The following PANK2 variants were observed in gnomAD, a reference collection of about 807,000 sequenced individuals.
PANK2 encodes pantothenate kinase 2.
A neutral mutation model predicts 43.1 loss-of-function variants in PANK2; 36 were observed. The observed-to-expected ratio is 0.84, with a 90% confidence interval of 0.64 to 1.10. PANK2 has a LOEUF of 1.10. Among genes scored for constraint, PANK2 ranks in the 50% least tolerant of loss-of-function variants. The pLI, the probability that PANK2 is intolerant of heterozygous loss-of-function variation, is 0.00. For missense variants in PANK2, 576 were observed against 593.3 expected, an observed-to-expected ratio of 0.97 and a Z score of 0.30; for synonymous variants, 281 against 238.2, an observed-to-expected ratio of 1.18 and a Z score of -1.66.
At chr20:3,891,824 C>T (rs1371249623) in intron 1 of PANK2, among the ~76,000 whole-genome samples, 1 of 152,162 alleles carries the variant, frequency 6.6e-6, no homozygotes, top group Non-Finnish European at 1.5e-5. Context: ...AGTTTTGAAA[C>T]TTATTTTAGG....
At position 3,929,633 on chromosome 20, in the gene PANK2, A is replaced by C. The variant is rs962636982; in HGVS notation, c.*6339A>C. ...ACTGGTCCTCACTTGGAACTGGCCA[A>C]GGTAGGGGAGGGGCCAGCAGCTGTC... On this transcript the variant is annotated 3_prime_UTR_variant, in exon 7 of 7. Transcript: ENST00000610179. 6.6e-6 allele frequency: 1 copy of C among 152,454 alleles called. No homozygotes were observed. The highest frequency in any genetic ancestry group is 1.5e-5 in the Non-Finnish European group (1 of 68,218). 9.4% of individuals were successfully genotyped at this position (152,454 alleles called of 1,614,324 possible).
chr20:3,889,175 CCTTCT>C, upstream of PANK2: 1 of 1,608,280 alleles, frequency 6.2e-7, no homozygotes, highest in African/African-American at 1.3e-5. Flanking sequence ...GGCTACACCG[CCTTCT>C]CTTCCTCCGC....
intron 4 of PANK2, among the ~76,000 whole-genome samples, chr20:3,913,991 A>C (rs12480548): frequency 1.5e-4 from 22 of 151,270 alleles, no homozygotes; most frequent in South Asian, 2.1e-4. Flanking sequence ...GGGTTTCACT[A>C]TGTTGGCCAG....
rs530353894 is a variant in PANK2, at chr20:3,923,200, A to T, written c.1333-44A>T. The T allele has an allele frequency of 4.9e-5, 79 of 1,604,202 alleles. No homozygotes were observed. In the South Asian group the frequency reaches 8.7e-4, roughly 18 times the overall value. On this transcript the variant is annotated intron_variant, in intron 6 of 6. Transcript: ENST00000610179. ...CATCATGTGTAAGGTGATTTGAATA[A>T]GTCTAAGGAAAATTGCACTTATTTT...
intron 5 of PANK2, 38 bp downstream of exon 5, chr20:3,917,088 A>T: frequency 1.9e-6 from 3 of 1,612,614 alleles, no homozygotes; most frequent in African/African-American, 1.3e-5. Context: ...CTCTAAGGAA[A>T]ATACTGAACT....
At chr20:3,894,729 C>G (rs1034253438) in intron 1 of PANK2, among the ~76,000 whole-genome samples, 2 of 152,210 alleles carry the variant, frequency 1.3e-5, no homozygotes, top group Admixed American at 6.5e-5. Context: ...CAGGTGTGTG[C>G]CACCGTGCCT....
intron 4 of PANK2, among the ~76,000 whole-genome samples, chr20:3,915,567 A>T (rs966108267): frequency 9.9e-5 from 15 of 152,184 alleles, no homozygotes; most frequent in Non-Finnish European, 1.8e-4. Flanking sequence ...AAGTGCTGGG[A>T]TTACAGGCGT....
At chr20:3,910,135 G>T (rs2090445110) in intron 2 of PANK2, among the ~76,000 whole-genome samples, 1 of 152,112 alleles carries the variant, frequency 6.6e-6, no homozygotes, top group South Asian at 2.1e-4. Context: ...TTTTGATACT[G>T]CTCCAAAGCC....
At chr20:3,899,992 C>G (rs529438812) in intron 1 of PANK2, among the ~76,000 whole-genome samples, 4 of 152,052 alleles carry the variant, frequency 2.6e-5, no homozygotes, top group South Asian at 4.2e-4. Context: ...GCGTGAGCCA[C>G]TGTGCCTGGC....
chr20:3,907,401 A>G (rs2090404784), intron 1 of PANK2, among the ~76,000 whole-genome samples: 1 of 152,132 alleles, frequency 6.6e-6, no homozygotes, highest in African/African-American at 2.4e-5. Flanking sequence ...GCTTGGCCTA[A>G]AGGACATTTT....
At chr20:3,901,982 C>A (rs2090308722) in intron 1 of PANK2, among the ~76,000 whole-genome samples, 1 of 151,722 alleles carries the variant, frequency 6.6e-6, no homozygotes, top group Non-Finnish European at 1.5e-5. Flanking sequence ...CAGTTTTTTC[C>A]TTATGATATC....
Position 3,925,143 on chromosome 20 carries a change from C to T in PANK2, c.*1849C>T, listed in dbSNP as rs760725982. On this transcript the variant is annotated 3_prime_UTR_variant, in exon 7 of 7. Coordinates refer to ENST00000610179, the MANE Select transcript of PANK2 (RefSeq NM_001386393.1). ...ACGCTGTTGATGTCCCCTTCTGCCTCGCTTTGAGCTTCCTCCTCCGTGGGC... is the reference window on the plus strand; with the variant it reads ...ACGCTGTTGATGTCCCCTTCTGCCTTGCTTTGAGCTTCCTCCTCCGTGGGC... The T allele has an allele frequency of 2.0e-4, 31 of 152,782 alleles. No individual in the cohort carries two copies. The highest frequency in any genetic ancestry group is 3.4e-3 in the Middle Eastern group (1 of 298). 9.5% of individuals were successfully genotyped at this position (152,782 alleles called of 1,614,324 possible).
At chr20:3,896,499 G>T (rs779458829) in intron 1 of PANK2, among the ~76,000 whole-genome samples, 2 of 152,114 alleles carry the variant, frequency 1.3e-5, no homozygotes, top group Non-Finnish European at 2.9e-5. Flanking sequence ...ATGTCCTTTT[G>T]TGTGCTAAGG....
rs142527350 is a variant in PANK2 at position 3,898,878 on chromosome 20, T to G, written c.299-9048T>G. On this transcript the variant is annotated intron_variant, in intron 1 of 6. Coordinates refer to ENST00000610179, the MANE Select transcript of PANK2 (RefSeq NM_001386393.1). The stretch of plus-strand genomic sequence containing the variant: ...AGTCTTGCTGGTCTTGAGTGTTTTT[T>G]TTTGTTTGTTTGTTTTGGGAAACAG... Among the ~76,000 whole-genome samples the G allele has an allele frequency of 5.5e-4, 83 of 152,052 alleles. 2 individuals carry two copies. The highest frequency in any genetic ancestry group is 6.8e-3 in the Middle Eastern group (2 of 294).
rs529267374 is a variant in PANK2 at position 3,889,432 on chromosome 20, T to TG, written c.8dup (p.Leu5_?3). 3.3e-5 allele frequency: 51 copies of TG among 1,562,550 alleles called. No homozygotes were observed. The South Asian group carries it at 5.0e-4, about 15-fold the overall frequency. On this transcript the variant is annotated frameshift_variant and start_lost, in exon 1 of 7. Transcript: ENST00000610179. LOFTEE classifies it high-confidence loss of function. ...GAGGAGGCGAGAAGGAATCCGACGCTGGGGGGCTTGCTCGGGCGGCAGCGA... is the reference window on the plus strand; with the variant it reads ...GAGGAGGCGAGAAGGAATCCGACGCTGGGGGGGCTTGCTCGGGCGGCAGCGA...
intron 4 of PANK2, among the ~76,000 whole-genome samples, chr20:3,913,368 C>T (rs115453008): frequency 0.01 from 1,578 of 151,990 alleles, 30 homozygotes; most frequent in African/African-American, 0.036. Flanking sequence ...TCTGAGACGG[C>T]GTTTTACTCT....
chr20:3,889,678 C>A lies in PANK2; in HGVS notation c.248C>A (p.Pro83His). The A allele has an allele frequency of 6.3e-7, 1 of 1,593,002 alleles. No individual in the cohort carries two copies. Among genetic ancestry groups the A allele is most frequent in the Non-Finnish European group, 8.5e-7 (1 of 1,177,872 alleles). The change falls in exon 1 of 7, where the codon CCC (proline) becomes CAC (histidine). Residue 83 changes from proline to histidine, a missense_variant. Transcript: ENST00000610179. ...GATCGACTGGGCTCTTACAGCGGCCCCACCTCGGTCTCCCGCCAGCGCGTC... is the reference window on the plus strand; with the variant it reads ...GATCGACTGGGCTCTTACAGCGGCCACACCTCGGTCTCCCGCCAGCGCGTC...
intron 1 of PANK2, among the ~76,000 whole-genome samples, chr20:3,893,333 CT>C (rs937232649): frequency 6.6e-6 from 1 of 152,172 alleles, no homozygotes; most frequent in African/African-American, 2.4e-5. Flanking sequence ...GTTTTTAAAA[CT>C]TTCCCTCAAC....
rs747873788 is a variant in PANK2 at position 3,898,248 on chromosome 20, A to G, written c.298+8520A>G. Among the ~76,000 whole-genome samples the G allele has an allele frequency of 4.4e-4, 67 of 150,996 alleles. 2 individuals are homozygous for G. The highest frequency in any genetic ancestry group is 3.0e-3 in the Admixed American group (44 of 14,646). On this transcript the variant is annotated intron_variant, in intron 1 of 6. Transcript: ENST00000610179. ...ATGGAGTCTTTCTGTCACCCAGGCT[A>G]GAGTGCAGTGGCACGATCTTGGCTA... is the stretch of plus-strand genomic sequence containing the variant.
Sources: gnomAD v4.1 joint callset for allele counts (sites outside exome capture counted in the v4.1 genomes callset) on GRCh38, gnomAD v4.1.1 for gene constraint, MANE v1.5 for transcripts, NCBI Gene and HGNC (gene_info 2026-07-23, HGNC 2026-07-21) for gene names.